The following RNFT2 variants were observed in gnomAD, a reference collection of about 807,000 sequenced individuals.
The protein encoded by RNFT2 is ring finger protein, transmembrane 2.
In RNFT2, 36 loss-of-function variants were observed where a neutral mutation model predicts 53.0. That is an observed-to-expected ratio of 0.68 (90% confidence interval 0.52 to 0.90). RNFT2 has a LOEUF of 0.90. RNFT2 is among the 40% of genes least tolerant of loss of function. The pLI is 0.00. For missense variants in RNFT2, 514 were observed against 585.6 expected (o/e 0.88, Z 1.26); for synonymous variants, 260 against 253.2 (o/e 1.03, Z -0.26).
At position 116,741,084 on chromosome 12, in the gene RNFT2, C is replaced by G. The variant is rs747820434; in HGVS notation, c.73C>G (p.Pro25Ala). Residue 25 changes from proline (P) to alanine (A), a missense_variant, in exon 3 of 11, where the codon CCA becomes GCA. Coordinates refer to ENST00000257575, the MANE Select transcript of RNFT2 (RefSeq NM_001382266.1). ...CCACAGCAGCAACACGGATAACATT[C>G]CACCTGAAAGGTAGGCATCCCTGCT... ...RRHSSNTDNI[P>A]PERNRSQALS... The G allele has an allele frequency of 6.8e-6, 11 of 1,610,008 alleles. No individual in the cohort carries two copies. Among genetic ancestry groups the G allele is most frequent in the Non-Finnish European group, 9.3e-6 (11 of 1,178,122 alleles).
chr12:116,777,933 G>A (rs1873508884), intron 6 of RNFT2, among the ~76,000 whole-genome samples: 1 of 152,140 alleles, frequency 6.6e-6, no homozygotes, highest in South Asian at 2.1e-4. Flanking sequence ...AAGCCTCAGT[G>A]CCTTATTTAT....
chr12:116,792,774 C>T (rs968466662), intron 7 of RNFT2, among the ~76,000 whole-genome samples: 6 of 152,136 alleles, frequency 3.9e-5, no homozygotes, highest in East Asian at 3.9e-4. Context: ...TCATCTGCAG[C>T]GGGGGGAAGA....
At chr12:116,799,303 A>C (rs563954810) in intron 7 of RNFT2, among the ~76,000 whole-genome samples, 8 of 152,198 alleles carry the variant, frequency 5.3e-5, no homozygotes, top group Non-Finnish European at 1.0e-4. Flanking sequence ...AGCCCAAGAA[A>C]ACTCTGCTTT....
At chr12:116,832,933 C>T (rs368502100) in intron 7 of RNFT2, among the ~76,000 whole-genome samples, 123 of 104,990 alleles carry the variant, frequency 1.2e-3, no homozygotes, top group African/African-American at 4.3e-3. Context: ...GAGATGGAGT[C>T]TTGCTCTGTT....
intron 7 of RNFT2, among the ~76,000 whole-genome samples, chr12:116,805,446 G>C (rs964392191): frequency 6.6e-6 from 1 of 152,096 alleles, no homozygotes; most frequent in African/African-American, 2.4e-5. Context: ...GAAAGCTCTT[G>C]GAAGGAGCTG....
chr12:116,798,339 T>C (rs1199930971), intron 7 of RNFT2, among the ~76,000 whole-genome samples: 1 of 152,230 alleles, frequency 6.6e-6, no homozygotes, highest in Non-Finnish European at 1.5e-5. Flanking sequence ...ACGTTGCTTT[T>C]ATTATCCATC....
chr12:116,742,161 C>G (rs1393960818), intron 3 of RNFT2, among the ~76,000 whole-genome samples: 7 of 151,988 alleles, frequency 4.6e-5, no homozygotes, highest in Admixed American at 4.6e-4. Context: ...TAGGCCACAG[C>G]CTTTATTGTG....
intron 7 of RNFT2, among the ~76,000 whole-genome samples, chr12:116,802,909 G>A (rs914716466): frequency 1.3e-5 from 2 of 151,356 alleles, no homozygotes; most frequent in Non-Finnish European, 2.9e-5. Context: ...AGCCTGGGTG[G>A]CATGGTGAAA....
At position 116,779,073 on chromosome 12, in the gene RNFT2, G is replaced by A. The variant is rs997858221; in HGVS notation, c.729-122G>A. The A allele has an allele frequency of 2.8e-5, 29 of 1,020,006 alleles. No homozygotes were observed. In the East Asian group the frequency reaches 3.4e-4, roughly 12 times the overall value. The allele number at this position is 1,020,006 out of a possible 1,614,324, so 63.2% of individuals were successfully genotyped here. On this transcript the variant is annotated intron_variant, in intron 6 of 10. Coordinates refer to ENST00000257575, the MANE Select transcript of RNFT2 (RefSeq NM_001382266.1). The stretch of plus-strand genomic sequence containing the variant: ...GCAGATTCAGGAAAAGGACACAGAC[G>A]TCTGACTCCCAGTTCAGCGCTCTTT...
chr12:116,828,987 C>T (rs1876493042), intron 7 of RNFT2, among the ~76,000 whole-genome samples: 1 of 151,000 alleles, frequency 6.6e-6, no homozygotes, highest in Non-Finnish European at 1.5e-5. Flanking sequence ...ATCTCTAAAA[C>T]ACACAATGTT....
intron 3 of RNFT2, among the ~76,000 whole-genome samples, chr12:116,742,630 T>C (rs1871665817): frequency 6.6e-6 from 1 of 152,016 alleles, no homozygotes; most frequent in African/African-American, 2.4e-5. Context: ...AGGAGAAATA[T>C]TGGCTGCGTG....
intron 7 of RNFT2, among the ~76,000 whole-genome samples, chr12:116,826,956 A>G (rs117360286): frequency 1.3e-5 from 2 of 152,162 alleles, no homozygotes; most frequent in African/African-American, 2.4e-5. Context: ...GGTGTGGTGA[A>G]TCATACCTGT....
At chr12:116,777,062 C>T (rs1873465048) in intron 6 of RNFT2, among the ~76,000 whole-genome samples, 1 of 151,888 alleles carries the variant, frequency 6.6e-6, no homozygotes, top group Non-Finnish European at 1.5e-5. Flanking sequence ...AGACTACAGG[C>T]ATGCACCACC....
At chr12:116,821,726 A>T (rs1592979242) in intron 7 of RNFT2, among the ~76,000 whole-genome samples, 1 of 150,492 alleles carries the variant, frequency 6.6e-6, no homozygotes, top group East Asian at 2.0e-4. Flanking sequence ...GGGCTTTGAA[A>T]TGCAGATTCC....
rs367648587 is a variant in RNFT2, at chr12:116,750,239, G to A, written c.482G>A (p.Cys161Tyr). The change falls in exon 4 of 11, where the codon TGC becomes TAC. Residue 161 changes from cysteine to tyrosine, a missense_variant. By Grantham distance (194) the Cys-to-Tyr change is radical (BLOSUM62 -2). Transcript: ENST00000257575. ...PALSELKAVI[C>Y]WLQKGLPFIL... ...CTGTCCGAGCTGAAGGCTGTGATCT[G>A]CTGGCTCCAGAAAGGACTCCCCTTC... is the stretch of plus-strand genomic sequence containing the variant. The A allele has an allele frequency of 5.0e-6, 8 of 1,607,696 alleles. No individual in the cohort carries two copies. Among genetic ancestry groups the A allele is most frequent in the East Asian group, 2.2e-5 (1 of 44,854 alleles).
At chr12:116,846,160 A>C (rs1877601486) in intron 10 of RNFT2, among the ~76,000 whole-genome samples, 1 of 152,214 alleles carries the variant, frequency 6.6e-6, no homozygotes, top group Non-Finnish European at 1.5e-5. Context: ...GTATGGAGAG[A>C]CAGATAATAA....
intron 7 of RNFT2, among the ~76,000 whole-genome samples, chr12:116,819,817 A>G (rs112413711): frequency 2.6e-5 from 4 of 152,138 alleles, no homozygotes; most frequent in Non-Finnish European, 5.9e-5. Context: ...TTACAAACAT[A>G]TGTAATCACT....
chr12:116,842,452 C>T (rs1877396783), intron 10 of RNFT2, among the ~76,000 whole-genome samples: 1 of 152,184 alleles, frequency 6.6e-6, no homozygotes, highest in South Asian at 2.1e-4. Flanking sequence ...CACAGCTCCC[C>T]CTCTCTTGAG....
At chr12:116,798,795 C>T (rs1592965135) in intron 7 of RNFT2, among the ~76,000 whole-genome samples, 1 of 151,952 alleles carries the variant, frequency 6.6e-6, no homozygotes, top group South Asian at 2.1e-4. Flanking sequence ...AGGCTGGGCT[C>T]GAACTCCTAA....
Sources: allele counts gnomAD v4.1 joint callset (sites outside exome capture counted in the v4.1 genomes callset), GRCh38; gene constraint gnomAD v4.1.1; transcripts MANE v1.5; gene names NCBI Gene and HGNC (gene_info 2026-07-23, HGNC 2026-07-21).